Variants in USP54 observed in about 807,000 individuals in gnomAD.
USP54 encodes the protein ubiquitin carboxyl-terminal hydrolase 54.
Under a neutral mutation model 170.5 loss-of-function variants are expected in USP54, and 87 were observed. The observed-to-expected ratio is 0.51, with a 90% CI of 0.43 to 0.61. The LOEUF is 0.61. Among genes scored for constraint, USP54 ranks in the 20% least tolerant of loss-of-function variants. The pLI, the probability that USP54 is intolerant of heterozygous loss-of-function variation, is 0.00. For synonymous variants in USP54, 655 were observed against 742.8 expected, an observed-to-expected ratio of 0.88 and a Z score of 1.92; for missense variants, 1,786 against 2,047.8, an observed-to-expected ratio of 0.87 and a Z score of 2.47.
chr10:73,573,507 T>TA (rs1225094062), intron 3 of USP54, among the ~76,000 whole-genome samples: 1 of 152,206 alleles, frequency 6.6e-6, no homozygotes, highest in African/African-American at 2.4e-5. Flanking sequence ...CTCACGCCTG[T>TA]AAGCCCAGCA....
chr10:73,521,337 G>A (rs1302841710), intron 17 of USP54, among the ~76,000 whole-genome samples: 8 of 152,162 alleles, frequency 5.3e-5, no homozygotes, highest in Admixed American at 3.9e-4. Context: ...GTACTTATAT[G>A]ACAGTGCGAG....
At chr10:73,536,744 C>T (rs1030493149) in intron 10 of USP54, among the ~76,000 whole-genome samples, 3 of 152,188 alleles carry the variant, frequency 2.0e-5, no homozygotes, top group African/African-American at 7.2e-5. Context: ...GGTGGATATG[C>T]TACGTGAGGG....
intron 20 of USP54, among the ~76,000 whole-genome samples, chr10:73,508,547 T>C (rs2059612830): frequency 6.6e-6 from 1 of 152,168 alleles, no homozygotes; most frequent in Non-Finnish European, 1.5e-5. Context: ...TTCGCTGATA[T>C]GATGTAAGAA....
intron 1 of USP54, among the ~76,000 whole-genome samples, chr10:73,589,409 G>A (rs1011402603): frequency 2.6e-5 from 4 of 152,164 alleles, no homozygotes; most frequent in Non-Finnish European, 4.4e-5. Context: ...AATAGCAGTG[G>A]TTAAAGGAAC....
At chr10:73,511,652 T>G (rs1402312546) in intron 20 of USP54, among the ~76,000 whole-genome samples, 1 of 151,830 alleles carries the variant, frequency 6.6e-6, no homozygotes, top group Non-Finnish European at 1.5e-5. Flanking sequence ...AGAGCGAGAC[T>G]CTGTCTCAAA....
intron 20 of USP54, among the ~76,000 whole-genome samples, chr10:73,514,802 G>A (rs1353892245): frequency 6.6e-6 from 1 of 152,002 alleles, no homozygotes; most frequent in African/African-American, 2.4e-5. Flanking sequence ...CACTTTGGGA[G>A]GCTGAGGCGG....
intron 1 of USP54, among the ~76,000 whole-genome samples, chr10:73,608,666 T>C (rs1476951327): frequency 6.6e-6 from 1 of 152,050 alleles, no homozygotes; most frequent in Non-Finnish European, 1.5e-5. Flanking sequence ...AAGGCCGAGG[T>C]GGGCAGATCA....
upstream of USP54, chr10:73,625,655 T>G (rs1206298347): frequency 6.5e-6 from 1 of 152,794 alleles, no homozygotes; most frequent in African/African-American, 2.4e-5. Flanking sequence ...GTAAACACCC[T>G]GCTCCCAACA....
intron 4 of USP54, among the ~76,000 whole-genome samples, chr10:73,557,375 G>A (rs867155012): frequency 3.3e-5 from 5 of 151,476 alleles, no homozygotes; most frequent in Admixed American, 6.6e-5. Context: ...AGGCAGAAGC[G>A]CAGTGGCGCA....
In USP54 at chr10:73,517,284, C is replaced by T; in HGVS notation, c.3142G>A (p.Gly1048Ser). ...VMPGIATSER[G>S]DEHSLGCSPS... Reference sequence around the variant, plus strand: ...CTACAGCCTAGGCTGTGTTCATCACCCCTCTCAGAGGTGGCTATTCCAGGC... The same window carrying T: ...CTACAGCCTAGGCTGTGTTCATCACTCCTCTCAGAGGTGGCTATTCCAGGC... Residue 1048 changes from glycine to serine, a missense_variant, in exon 20 of 24, where the codon GGT becomes AGT. Gly to Ser is a moderately conservative substitution (Grantham distance 56, BLOSUM62 0). Coordinates refer to ENST00000687698, the MANE Select transcript of USP54 (RefSeq NM_001391956.1). 1.1e-5 allele frequency: 18 copies of T among 1,613,524 alleles called. No homozygotes were observed. The highest frequency in any genetic ancestry group is 1.5e-5 in the Non-Finnish European group (18 of 1,179,688).
In USP54 at chr10:73,562,110, A is replaced by AAG. The variant is rs112224234; in HGVS notation, c.240+9309_240+9310dup. On this transcript the variant is annotated intron_variant, in intron 4 of 23. Coordinates refer to ENST00000687698, the MANE Select transcript of USP54 (RefSeq NM_001391956.1). ...AGCAAAACTCTGTCTCATTAAAAAA[A>AAG]AGAGAGAGAGAGAGAAAAAAATTAC... is the stretch of plus-strand genomic sequence containing the variant. Among the ~76,000 whole-genome samples, 250 of 151,930 alleles carry AAG rather than the reference A, an allele frequency of 1.6e-3. 1 individual carries two copies. Among genetic ancestry groups the AAG allele is most frequent in the South Asian group, 4.1e-3 (20 of 4,820 alleles).
At chr10:73,595,109 AG>A (rs1763862502), upstream of USP54, among the ~76,000 whole-genome samples, 1 of 152,028 alleles carries the variant, frequency 6.6e-6, no homozygotes, top group Admixed American at 6.6e-5. Context: ...TATTTTGAGT[AG>A]AGATGGAGTT....
chr10:73,505,077 A>T, intron 21 of USP54, 87 bp from the exon 22 acceptor site: 1 of 1,575,564 alleles, frequency 6.3e-7, no homozygotes. Flanking sequence ...TATGGGAAAG[A>T]GTAGGGGAAG....
chr10:73,624,705 T>C (rs2081385116), intron 1 of USP54, among the ~76,000 whole-genome samples: 1 of 152,220 alleles, frequency 6.6e-6, no homozygotes, highest in African/African-American at 2.4e-5. Flanking sequence ...AAATAACAGT[T>C]AACCAGCAAA....
rs760726195 is a variant in USP54, at chr10:73,517,443, G to T, written c.2983C>A (p.Pro995Thr). The change falls in exon 20 of 24, where the codon CCA (proline) becomes ACA (threonine). Residue 995 changes from proline to threonine, a missense_variant. By Grantham distance (38) the Pro-to-Thr change is conservative. Transcript: ENST00000687698. The stretch of plus-strand genomic sequence containing the variant: ...CTAGAGCCTTGCAGCTTACCCTCTG[G>T]GGCATCCAATGGCTCCCAACTATGA... ...SHHSWEPLDA[P>T]EGKLQGSRCD... 3 of 1,614,140 alleles carry T rather than the reference G, an allele frequency of 1.9e-6. No homozygotes were observed. In the Admixed American group the frequency reaches 5.0e-5, roughly 27 times the overall value.
At chr10:73,587,512 A>G in intron 1 of USP54, among the ~76,000 whole-genome samples, 1 of 152,142 alleles carries the variant, frequency 6.6e-6, no homozygotes, top group East Asian at 1.9e-4. Flanking sequence ...AGGGCCAACA[A>G]TATTGCAGAA....
chr10:73,598,356 A>C lies in USP54; in HGVS notation c.-17-22681T>G, dbSNP rs369019606. 2.2e-4 allele frequency among the ~76,000 whole-genome samples: 34 copies of C among 152,348 alleles called. No individual in the cohort carries two copies. In the East Asian group the frequency reaches 6.4e-3, roughly 29 times the overall value. On this transcript the variant is annotated intron_variant, in intron 1 of 22. Coordinates refer to the USP54 transcript ENST00000339859. Reference sequence around the variant, plus strand: ...TAATTCAAAATGGATCAAAAACTTAAATGAATGAGCTCAAACTATAAAACT... The same window carrying C: ...TAATTCAAAATGGATCAAAAACTTACATGAATGAGCTCAAACTATAAAACT...
intron 20 of USP54, chr10:73,506,474 C>T (rs2059145796): frequency 6.6e-6 from 1 of 152,154 alleles, no homozygotes; most frequent in Non-Finnish European, 1.5e-5. Flanking sequence ...ATGCCCCTGA[C>T]CTACATTTGA....
intron 20 of USP54, among the ~76,000 whole-genome samples, 198 bp downstream of exon 20, chr10:73,516,177 A>G (rs2061043770): frequency 6.6e-6 from 1 of 152,100 alleles, no homozygotes; most frequent in Non-Finnish European, 1.5e-5. Context: ...ATGAGTGGTA[A>G]TTCTGCCCCT....
Sources: gnomAD v4.1 joint callset for allele counts (sites outside exome capture counted in the v4.1 genomes callset) on GRCh38, gnomAD v4.1.1 for gene constraint, MANE v1.5 for transcripts, NCBI Gene and HGNC (gene_info 2026-07-23, HGNC 2026-07-21) for gene names.